FANCE: variants seen among roughly 807,000 people sequenced by gnomAD.
FANCE encodes the protein FA complementation group E, also known as Fanconi anemia group E protein.
A neutral mutation model predicts 57.8 loss-of-function variants in FANCE; 42 were observed. The observed-to-expected ratio is 0.73, with a 90% CI of 0.57 to 0.94. FANCE has a LOEUF of 0.94. Ranked by LOEUF, FANCE falls within the 40% of genes least tolerant of loss-of-function variation. The pLI is 0.00. For synonymous variants in FANCE, 251 were observed against 286.4 expected (o/e 0.88, Z 1.25); for missense variants, 608 against 661.8 (o/e 0.92, Z 0.89).
intron 1 of FANCE, among the ~76,000 whole-genome samples, chr6:35,454,073 T>G (rs952327804): frequency 1.9e-5 from 2 of 105,046 alleles, no homozygotes; most frequent in African/African-American, 6.1e-5. Context: ...GTTTGTTTTG[T>G]TTTTTTTTTT....
intron 9 of FANCE, among the ~76,000 whole-genome samples, chr6:35,464,235 T>A (rs1017339033): frequency 1.4e-3 from 2 of 1,474 alleles, no homozygotes; most frequent in Admixed American, 6.8e-3. Context: ...CAGGGTCTTC[T>A]TTTTTTTTTT....
chr6:35,459,937 T>C (rs1767518397), intron 7 of FANCE, among the ~76,000 whole-genome samples, 177 bp downstream of exon 7: 1 of 152,102 alleles, frequency 6.6e-6, no homozygotes, highest in Non-Finnish European at 1.5e-5. Context: ...GTTCTCACGA[T>C]GCACTTTCTA....
chr6:35,466,762 G>A lies in FANCE; in HGVS notation c.*417G>A. ...TATTTTGTAGATAATATGCTGGTCA[G>A]GGCTGGTCTTGAACTCCTGAGCTCA... On this transcript the variant is annotated 3_prime_UTR_variant, in exon 10 of 10. Coordinates refer to ENST00000229769, the MANE Select transcript of FANCE (RefSeq NM_021922.3). 2 of 335,920 alleles carry A rather than the reference G, an allele frequency of 6.0e-6. No individual in the cohort carries two copies. Among genetic ancestry groups the A allele is most frequent in the South Asian group, 7.4e-5 (2 of 26,982 alleles). 20.8% of individuals were successfully genotyped at this position (335,920 alleles called of 1,614,324 possible).
In FANCE at chr6:35,462,807, A is replaced by G. The variant is rs1487172060; in HGVS notation, c.1402A>G (p.Lys468Glu). 6.2e-7 allele frequency: 1 copy of G among 1,614,024 alleles called. No homozygotes were observed. Among genetic ancestry groups the G allele is most frequent in the Non-Finnish European group, 8.5e-7 (1 of 1,179,978 alleles). Residue 468 changes from lysine to glutamate, a missense_variant, in exon 9 of 10, where the codon AAG becomes GAG. Lys to Glu is a moderately conservative substitution (Grantham distance 56). Transcript: ENST00000229769. Reference protein sequence around the residue: ...LERQVEMTPEKFSVLMEKLCK... With the variant: ...LERQVEMTPEEFSVLMEKLCK... ...TGTGCAGGTGGAGATGACCCCTGAGAAGTTCAGTGTCTTAATGGAGAAGCT... is the reference window on the plus strand; with the variant it reads ...TGTGCAGGTGGAGATGACCCCTGAGGAGTTCAGTGTCTTAATGGAGAAGCT...
chr6:35,466,594 T>C lies in FANCE; in HGVS notation c.*249T>C. On this transcript the variant is annotated 3_prime_UTR_variant, in exon 10 of 10. Coordinates refer to ENST00000229769, the MANE Select transcript of FANCE (RefSeq NM_021922.3). ...TTTCTTTTGTTTTTGAGAGAAGGTATTGCTCTGTCATCCAGGCTGGAGTGC... is the reference window on the plus strand; with the variant it reads ...TTTCTTTTGTTTTTGAGAGAAGGTACTGCTCTGTCATCCAGGCTGGAGTGC... The C allele has an allele frequency of 4.0e-6, 2 of 497,424 alleles. No individual in the cohort carries two copies. Among genetic ancestry groups the C allele is most frequent in the African/African-American group, 1.9e-5 (1 of 52,124 alleles). 30.8% of individuals were successfully genotyped at this position (497,424 alleles called of 1,614,324 possible).
chr6:35,452,747 T>C lies in FANCE; in HGVS notation c.202T>C (p.Cys68Arg). 7.9e-7 allele frequency: 1 copy of C among 1,271,018 alleles called. No individual in the cohort carries two copies. The highest frequency in any genetic ancestry group is 2.6e-5 in the South Asian group (1 of 38,310). The allele number at this position is 1,271,018 out of a possible 1,614,324, so 78.7% of individuals were successfully genotyped here. Reference sequence around the variant, plus strand: ...CTGGGGTCGCTTGCTCGAGGCCCTGTGCCGGGAGGAGCCGGTCGTGCAGGG... The same window carrying C: ...CTGGGGTCGCTTGCTCGAGGCCCTGCGCCGGGAGGAGCCGGTCGTGCAGGG... ...FDWGRLLEAL[C>R]REEPVVQGPD... Residue 68 changes from cysteine (C) to arginine (R), a missense_variant, in exon 1 of 10, where the codon TGC becomes CGC. Coordinates refer to ENST00000229769, the MANE Select transcript of FANCE (RefSeq NM_021922.3).
Position 35,458,365 on chromosome 6 carries a change from C to T in FANCE, c.1038C>T (p.Thr346=), listed in dbSNP as rs1212007161. ...LSDLGLLRLC[T]WLLALSPDLS... is the part of the protein sequence containing the mutation. The stretch of plus-strand genomic sequence containing the variant: ...ACCTCGGTCTCCTGCGGCTCTGCAC[C>T]TGGCTGCTGGCCCTTTCACCTGATC... Residue 346 remains threonine (T), a synonymous_variant, in exon 5 of 10, where the codon ACC becomes ACT. Coordinates refer to ENST00000229769, the MANE Select transcript of FANCE (RefSeq NM_021922.3). 2 of 1,614,222 alleles carry T rather than the reference C, an allele frequency of 1.2e-6. No individual in the cohort carries two copies. Among genetic ancestry groups the T allele is most frequent in the African/African-American group, 1.3e-5 (1 of 75,060 alleles).
At chr6:35,454,495 T>A (rs1396834167) in intron 1 of FANCE, among the ~76,000 whole-genome samples, 1 of 152,052 alleles carries the variant, frequency 6.6e-6, no homozygotes, top group Non-Finnish European at 1.5e-5. Flanking sequence ...CCCTGCAAAA[T>A]TATGCATAGG....
chr6:35,457,995 A>G lies in FANCE; in HGVS notation c.969+11A>G, dbSNP rs1396724409. ...TGTAGTCCCAGCCAGGTGAGTCCAG[A>G]TGACTGCCTGGCTCTGAGGTTACAT... On this transcript the variant is annotated intron_variant, in intron 4 of 9. Transcript: ENST00000229769. 1.2e-6 allele frequency: 2 copies of G among 1,610,360 alleles called. No individual in the cohort carries two copies. Among genetic ancestry groups the G allele is most frequent in the African/African-American group, 2.7e-5 (2 of 74,916 alleles).
In FANCE at chr6:35,466,613, G is replaced by A. The variant is rs1044567740; in HGVS notation, c.*268G>A. 5 of 472,764 alleles carry A rather than the reference G, an allele frequency of 1.1e-5. No homozygotes were observed. Among genetic ancestry groups the A allele is most frequent in the Admixed American group, 6.7e-5 (2 of 29,874 alleles). 29.3% of individuals were successfully genotyped at this position (472,764 alleles called of 1,614,324 possible). A position where few individuals can be genotyped will look rare whatever the true frequency, so the allele number is the denominator to read the frequency against. On this transcript the variant is annotated 3_prime_UTR_variant, in exon 10 of 10. Coordinates refer to ENST00000229769, the MANE Select transcript of FANCE (RefSeq NM_021922.3). ...AAGGTATTGCTCTGTCATCCAGGCT[G>A]GAGTGCAGTGATGCGATTGATCATG...
At chr6:35,458,060 C>T in intron 4 of FANCE, 76 bp downstream of exon 4, 2 of 1,444,166 alleles carry the variant, frequency 1.4e-6, no homozygotes, top group Non-Finnish European at 9.7e-7. Context: ...TTTATGTTTT[C>T]CTACCTCATG....
At chr6:35,463,595 A>AT (rs1370974969) in intron 9 of FANCE, among the ~76,000 whole-genome samples, 1 of 151,976 alleles carries the variant, frequency 6.6e-6, no homozygotes, top group East Asian at 1.9e-4. Context: ...TGCAAAGGGC[A>AT]TTTGGTGGCA....
intron 9 of FANCE, 112 bp from the exon 10 acceptor site, chr6:35,466,132 C>T (rs1767823743): frequency 1.3e-6 from 1 of 776,270 alleles, no homozygotes; most frequent in Non-Finnish European, 2.3e-6. Flanking sequence ...CAGGAGTCTC[C>T]TCCTCTTTCC....
Position 35,466,624 on chromosome 6 carries a change from A to T in FANCE, c.*279A>T. The T allele has an allele frequency of 2.2e-6, 1 of 460,832 alleles. No individual in the cohort carries two copies. Among genetic ancestry groups the T allele is most frequent in the Non-Finnish European group, 4.0e-6 (1 of 247,952 alleles). 28.5% of individuals were successfully genotyped at this position (460,832 alleles called of 1,614,324 possible). On this transcript the variant is annotated 3_prime_UTR_variant, in exon 10 of 10. Transcript: ENST00000229769. Reference sequence around the variant, plus strand: ...CTGTCATCCAGGCTGGAGTGCAGTGATGCGATTGATCATGGCTCACTGTAA... The same window carrying T: ...CTGTCATCCAGGCTGGAGTGCAGTGTTGCGATTGATCATGGCTCACTGTAA...
rs565097562 is a variant in FANCE, at chr6:35,459,486, C to T, written c.1237+32C>T. On this transcript the variant is annotated intron_variant, in intron 6 of 9. Coordinates refer to ENST00000229769, the MANE Select transcript of FANCE (RefSeq NM_021922.3). ...CTGGAACCAGCCCCAGGCCCAGTAG[C>T]TCTGCCCTCAGTGTTCTCAGCATCC... is the stretch of plus-strand genomic sequence containing the variant. 2.9e-5 allele frequency: 47 copies of T among 1,613,694 alleles called. No individual in the cohort carries two copies. The South Asian group carries it at 4.9e-4, about 17-fold the overall frequency.
rs927154227 is a variant in FANCE at position 35,452,604 on chromosome 6, C to T, written c.59C>T (p.Ala20Val). 70 of 1,315,074 alleles carry T rather than the reference C, an allele frequency of 5.3e-5. No individual in the cohort carries two copies. The highest frequency in any genetic ancestry group is 6.3e-5 in the Non-Finnish European group (65 of 1,029,516). The allele number at this position is 1,315,074 out of a possible 1,614,324, so 81.5% of individuals were successfully genotyped here. A position where few individuals can be genotyped will look rare whatever the true frequency, so the allele number is the denominator to read the frequency against. Residue 20 changes from alanine (A) to valine (V), a missense_variant, in exon 1 of 10, where the codon GCG becomes GTG. Transcript: ENST00000229769. ...GAEGVEPAPW[A>V]QLEAPARLLL... Reference sequence around the variant, plus strand: ...GAGGGCGTGGAGCCGGCGCCCTGGGCGCAGCTGGAGGCCCCCGCCCGCCTC... The same window carrying T: ...GAGGGCGTGGAGCCGGCGCCCTGGGTGCAGCTGGAGGCCCCCGCCCGCCTC...
rs587778335 is a variant in FANCE at position 35,452,774 on chromosome 6, C to T, written c.229C>T (p.Pro77Ser). The change falls in exon 1 of 10, where the codon CCT (proline) becomes TCT (serine). Residue 77 changes from proline to serine, a missense_variant. Coordinates refer to ENST00000229769, the MANE Select transcript of FANCE (RefSeq NM_021922.3). ...LCREEPVVQG[P>S]DGRLELKPLL... The stretch of plus-strand genomic sequence containing the variant: ...CCGGGAGGAGCCGGTCGTGCAGGGG[C>T]CTGACGGCCGTCTGGAGCTGTAAGT... The T allele has an allele frequency of 2.0e-5, 26 of 1,300,974 alleles. No homozygotes were observed. The highest frequency in any genetic ancestry group is 2.4e-5 in the Non-Finnish European group (24 of 1,019,704). The allele number at this position is 1,300,974 out of a possible 1,614,324, so 80.6% of individuals were successfully genotyped here.
intron 7 of FANCE, 140 bp downstream of exon 7, chr6:35,459,900 C>A: frequency 1.4e-6 from 1 of 725,098 alleles, no homozygotes; most frequent in Non-Finnish European, 2.5e-6. Context: ...CATCCTCTTT[C>A]TCCTTTATGA....
In FANCE at chr6:35,456,608, G is replaced by A. The variant is rs141257645; in HGVS notation, c.855+255G>A. Among the ~76,000 whole-genome samples the A allele has an allele frequency of 3.2e-4, 49 of 152,120 alleles. No individual in the cohort carries two copies. The highest frequency in any genetic ancestry group is 1.1e-3 in the African/African-American group (44 of 41,474). ...CAGCTCACCGCAACCTCTGCCTCCC[G>A]GGTTCAAGCGATTCTCCTGCCTCAG... On this transcript the variant is annotated intron_variant, in intron 2 of 9. Transcript: ENST00000229769. This position sits in a 1 kb window ranked among gnomAD's most constrained non-coding sequence, Gnocchi z 4.3.
Sources: allele counts gnomAD v4.1 joint callset (sites outside exome capture counted in the v4.1 genomes callset), GRCh38; gene constraint gnomAD v4.1.1; non-coding constraint Gnocchi (gnomAD v3.1); transcripts MANE v1.5; gene names NCBI Gene and HGNC (gene_info 2026-07-23, HGNC 2026-07-21).